The following AP3D1 variants were observed in gnomAD, a reference collection of about 807,000 sequenced individuals.
The protein encoded by AP3D1 is adaptor related protein complex 3 subunit delta 1, also known as AP-3 complex subunit delta-1.
A neutral mutation model predicts 147.6 loss-of-function variants in AP3D1; 51 were observed. That is an observed-to-expected ratio of 0.35 (90% CI 0.28 to 0.44). The LOEUF (loss-of-function observed/expected upper bound fraction) is 0.44, where lower values mean the gene tolerates loss of function less well. Ranked by LOEUF, AP3D1 falls within the 20% of genes least tolerant of loss-of-function variation. AP3D1 has a pLI of 1.00. For synonymous variants in AP3D1, 760 were observed against 663.0 expected (o/e 1.15, Z -2.25); for missense variants, 1,421 against 1,624.2 (o/e 0.87, Z 2.15).
intron 24 of AP3D1, 55 bp from the exon 25 acceptor site, chr19:2,111,883 TCA>T (rs2018292746): frequency 6.2e-7 from 1 of 1,607,764 alleles, no homozygotes; most frequent in Non-Finnish European, 8.5e-7. Context: ...CACGCCCCCA[TCA>T]CAGTGTGAGG....
rs2018302798 is a variant in AP3D1 at position 2,112,208 on chromosome 19, C to T, written c.2788-380G>A. 5 of 248,132 alleles carry T rather than the reference C, an allele frequency of 2.0e-5. No individual in the cohort carries two copies. The South Asian group carries it at 2.6e-4, about 13-fold the overall frequency. 15.4% of individuals were successfully genotyped at this position (248,132 alleles called of 1,614,324 possible). ...ATGTTCAAAGCGGCATACTGTGTCA[C>T]CACAAAGGGGAAGCGGCCCAAGTGG... is the stretch of plus-strand genomic sequence containing the variant. On this transcript the variant is annotated intron_variant, in intron 24 of 31. Transcript: ENST00000643116.
chr19:2,155,924 G>C (rs921490680), upstream of AP3D1, among the ~76,000 whole-genome samples: 6 of 151,378 alleles, frequency 4.0e-5, no homozygotes, highest in African/African-American at 1.5e-4. Flanking sequence ...TTGGTGGCGG[G>C]CGCCTGTAGT....
At chr19:2,103,747 A>G (rs557565799) in intron 31 of AP3D1, among the ~76,000 whole-genome samples, 6 of 152,184 alleles carry the variant, frequency 3.9e-5, no homozygotes, top group Non-Finnish European at 8.8e-5. Context: ...AGGATGGAAC[A>G]AGGCCCAGAG....
chr19:2,137,695 A>G, intron 3 of AP3D1, 32 bp downstream of exon 3: 1 of 1,597,106 alleles, frequency 6.3e-7, no homozygotes, highest in Non-Finnish European at 8.6e-7. Flanking sequence ...ATCACTCCCC[A>G]CCCCACCAGC....
chr19:2,154,551 A>G (rs892209596), upstream of AP3D1, among the ~76,000 whole-genome samples: 23 of 152,182 alleles, frequency 1.5e-4, no homozygotes, highest in Non-Finnish European at 2.9e-4. Flanking sequence ...TGCTGGGAAT[A>G]CAGTCGTGAG....
chr19:2,104,020 A>G (rs2018032418), intron 31 of AP3D1, among the ~76,000 whole-genome samples: 1 of 151,738 alleles, frequency 6.6e-6, no homozygotes, highest in Non-Finnish European at 1.5e-5. Context: ...CACCAATGCC[A>G]AGACCCCACG....
intron 27 of AP3D1, among the ~76,000 whole-genome samples, chr19:2,110,426 T>A (rs552047745): frequency 6.6e-6 from 1 of 152,202 alleles, no homozygotes; most frequent in South Asian, 2.1e-4. Flanking sequence ...CCCATCCCTG[T>A]TTCAGAGGGC....
chr19:2,136,371 T>G (rs1440182912), intron 4 of AP3D1, among the ~76,000 whole-genome samples: 1 of 152,082 alleles, frequency 6.6e-6, no homozygotes, highest in Non-Finnish European at 1.5e-5. Context: ...ACATGGACAT[T>G]GGAGAGCCGG....
At chr19:2,146,308 T>C (rs1256588426) in intron 1 of AP3D1, among the ~76,000 whole-genome samples, 5 of 152,110 alleles carry the variant, frequency 3.3e-5, no homozygotes, top group Admixed American at 6.6e-5. Context: ...ATTACCATAA[T>C]AATTAGCTGT....
Position 2,144,339 on chromosome 19 carries a change from C to T in AP3D1, c.97-5625G>A, listed in dbSNP as rs141783262. On this transcript the variant is annotated intron_variant, in intron 1 of 31. Coordinates refer to ENST00000643116, the MANE Select transcript of AP3D1 (RefSeq NM_001261826.3). ...ATTCTCTTGTTGTGGACAGGCTCAA[C>T]GCCCTCTGCACCCAGGAGCAGAGCG... Among the ~76,000 whole-genome samples, 543 of 152,344 alleles carry T rather than the reference C, an allele frequency of 3.6e-3. 5 individuals carry two copies. The highest frequency in any genetic ancestry group is 0.012 in the African/African-American group (508 of 41,582).
intron 1 of AP3D1, among the ~76,000 whole-genome samples, chr19:2,160,216 T>A (rs996625773): frequency 6.6e-6 from 1 of 152,198 alleles, no homozygotes; most frequent in East Asian, 1.9e-4. Flanking sequence ...AGGAAATGGC[T>A]CAGGAAAGAG....
chr19:2,128,177 G>A (rs982915312), intron 8 of AP3D1, among the ~76,000 whole-genome samples: 15 of 152,130 alleles, frequency 9.9e-5, no homozygotes, highest in Non-Finnish European at 1.9e-4. Context: ...CACTTGGTCT[G>A]AGGAATTAAA....
intron 15 of AP3D1, among the ~76,000 whole-genome samples, chr19:2,118,115 G>A (rs1036748228): frequency 2.0e-5 from 3 of 152,138 alleles, no homozygotes; most frequent in Admixed American, 1.3e-4. Context: ...AGCTGAGATC[G>A]CACCACTTGA....
At chr19:2,111,884 C>T in intron 24 of AP3D1, 56 bp from the exon 25 acceptor site, 2 of 1,607,716 alleles carry the variant, frequency 1.2e-6, no homozygotes, top group South Asian at 1.1e-5. Context: ...ACGCCCCCAT[C>T]ACAGTGTGAG....
Position 2,121,207 on chromosome 19 carries a change from G to A in AP3D1, c.1206C>T (p.Asp402=). Residue 402 remains aspartate (D), a synonymous_variant, in exon 13 of 32, where the codon GAC becomes GAT. Transcript: ENST00000643116. ...ACTGGTAGTTGGACTGGCTGCAGAT[G>A]TCAATGATCTTGGTGAGCAGCTCGT... ...YRDELLTKII[D]ICSQSNYQYI... 6.2e-7 allele frequency: 1 copy of A among 1,614,244 alleles called. No individual in the cohort carries two copies. The highest frequency in any genetic ancestry group is 1.1e-5 in the South Asian group (1 of 91,086).
chr19:2,159,506 G>T (rs376684413), intron 1 of AP3D1, among the ~76,000 whole-genome samples: 1 of 146,072 alleles, frequency 6.8e-6, no homozygotes, highest in Non-Finnish European at 1.5e-5. Context: ...CTCCCGCCTC[G>T]GCCTCCCGAG....
upstream of AP3D1, chr19:2,164,568 G>C (rs1390884278): frequency 8.4e-6 from 2 of 237,648 alleles, no homozygotes; most frequent in Non-Finnish European, 1.6e-5. Context: ...ACTCGTGCCG[G>C]CCGCGTTTTG....
chr19:2,114,336 C>T, intron 21 of AP3D1, 34 bp from the exon 22 acceptor site: 1 of 1,564,196 alleles, frequency 6.4e-7, no homozygotes. Context: ...CACATCAGCA[C>T]CACTGGCCAC....
intron 4 of AP3D1, among the ~76,000 whole-genome samples, chr19:2,136,453 C>T (rs912063453): frequency 6.6e-6 from 1 of 152,210 alleles, no homozygotes; most frequent in African/African-American, 2.4e-5. Flanking sequence ...GGGCCTGATT[C>T]TCCAACACCC....
Sources: allele counts gnomAD v4.1 joint callset (sites outside exome capture counted in the v4.1 genomes callset), GRCh38; gene constraint gnomAD v4.1.1; transcripts MANE v1.5; gene names NCBI Gene and HGNC (gene_info 2026-07-23, HGNC 2026-07-21).